The following GALNT17 variants were observed in gnomAD, a reference collection of about 807,000 sequenced individuals.
GALNT17 encodes UDP-GalNAc:polypeptide N-acetylgalactosaminyltransferase-like 3.
GALNT17 carries 29 observed loss-of-function variants against 63.7 expected under a neutral mutation model. The observed-to-expected ratio is 0.46, with a 90% confidence interval of 0.34 to 0.62. GALNT17 has a LOEUF of 0.62. Among genes scored for constraint, GALNT17 ranks in the 20% least tolerant of loss-of-function variants. The pLI, the probability that GALNT17 is intolerant of heterozygous loss-of-function variation, is 0.01. For missense variants in GALNT17, 603 were observed against 799.6 expected (o/e 0.75, Z 2.97); for synonymous variants, 305 against 318.3 (o/e 0.96, Z 0.45).
Position 71,421,063 on chromosome 7 carries a change from C to T in GALNT17, c.920C>T (p.Pro307Leu). Residue 307 changes from proline (P) to leucine (L), a missense_variant, in exon 5 of 11, where the codon CCA becomes CTA. Physicochemically the swap from Pro to Leu is moderately conservative, Grantham distance 98. This residue lies in a region of GALNT17 where 336 missense variants were observed against 507.8 expected (regional missense o/e 0.66). Coordinates refer to ENST00000333538, the MANE Select transcript of GALNT17 (RefSeq NM_022479.3). ...CTGTGGTGCATGTACATCAGCCCCCCAAAAGACTGGTGGGACGCCGGAGAC... is the reference window on the plus strand; with the variant it reads ...CTGTGGTGCATGTACATCAGCCCCCTAAAAGACTGGTGGGACGCCGGAGAC... The part of the protein sequence containing the change: ...WELWCMYISP[P>L]KDWWDAGDPS... 6.2e-7 allele frequency: 1 copy of T among 1,614,116 alleles called. No individual in the cohort carries two copies. The highest frequency in any genetic ancestry group is 2.2e-5 in the East Asian group (1 of 44,854).
At chr7:71,367,573 T>TG (rs11437587) in intron 2 of GALNT17, among the ~76,000 whole-genome samples, 20,508 of 152,090 alleles carry the variant, frequency 0.13, 1,739 homozygotes, top group East Asian at 0.4. Context: ...CAGGTTACAG[T>TG]GGGGCCCCCA....
chr7:71,366,063 G>T (rs1021683151), intron 2 of GALNT17, among the ~76,000 whole-genome samples: 1 of 152,070 alleles, frequency 6.6e-6, no homozygotes, highest in East Asian at 1.9e-4. Flanking sequence ...CTCAGTTCAC[G>T]ATAGGGCTTG....
chr7:71,684,008 C>CAAA (rs5741642), intron 9 of GALNT17, among the ~76,000 whole-genome samples: 100 of 121,410 alleles, frequency 8.2e-4, no homozygotes, highest in African/African-American at 2.8e-3. Context: ...CACTCTGTCT[C>CAAA]AAAAAAAAAA....
At chr7:71,639,668 G>A (rs1242796112) in intron 6 of GALNT17, among the ~76,000 whole-genome samples, 3 of 152,188 alleles carry the variant, frequency 2.0e-5, no homozygotes, top group African/African-American at 7.2e-5. Flanking sequence ...AGCAAGCAGG[G>A]AATGCTTTAA....
intron 1 of GALNT17, among the ~76,000 whole-genome samples, chr7:71,327,369 A>G (rs956806260): frequency 1.3e-5 from 2 of 152,318 alleles, no homozygotes; most frequent in South Asian, 2.1e-4. Flanking sequence ...ATGAGAGCCA[A>G]TTGAAAGGGG....
chr7:71,701,472 G>A (rs905305355), intron 9 of GALNT17, among the ~76,000 whole-genome samples: 1 of 151,696 alleles, frequency 6.6e-6, no homozygotes, highest in Non-Finnish European at 1.5e-5. Context: ...GGATAACAGA[G>A]TGAGACTCTA....
At chr7:71,481,182 C>T (rs1481923342) in intron 5 of GALNT17, among the ~76,000 whole-genome samples, 2 of 152,202 alleles carry the variant, frequency 1.3e-5, no homozygotes. Context: ...CACAGTGGCT[C>T]ACGCCTGTAA....
At chr7:71,565,930 G>C (rs1308380975) in intron 5 of GALNT17, among the ~76,000 whole-genome samples, 1 of 143,822 alleles carries the variant, frequency 7.0e-6, no homozygotes, top group Non-Finnish European at 1.5e-5. Context: ...TGCAACCTCT[G>C]CCTCCTGGGT....
chr7:71,212,708 G>A (rs914468549), intron 1 of GALNT17, among the ~76,000 whole-genome samples: 2 of 152,184 alleles, frequency 1.3e-5, no homozygotes, highest in African/African-American at 2.4e-5. Flanking sequence ...ACCTGGATGT[G>A]AGACCTGGAG....
intron 6 of GALNT17, among the ~76,000 whole-genome samples, chr7:71,620,899 A>G (rs1057268973): frequency 1.3e-5 from 2 of 152,128 alleles, no homozygotes. Flanking sequence ...CTGATTCTCA[A>G]TTCACATTGG....
At chr7:71,322,168 G>A (rs1029741995) in intron 1 of GALNT17, among the ~76,000 whole-genome samples, 2 of 151,416 alleles carry the variant, frequency 1.3e-5, no homozygotes, top group Non-Finnish European at 2.9e-5. Flanking sequence ...TGCCCAGGCT[G>A]GTCTCTAACT....
At chr7:71,162,224 G>A (rs1788362698) in intron 1 of GALNT17, among the ~76,000 whole-genome samples, 1 of 142,576 alleles carries the variant, frequency 7.0e-6, no homozygotes, top group Admixed American at 7.5e-5. Context: ...TCTTACTTTC[G>A]TTATTCTTTC....
intron 5 of GALNT17, among the ~76,000 whole-genome samples, chr7:71,452,970 G>T (rs867307961): frequency 8.5e-5 from 13 of 152,106 alleles, no homozygotes; most frequent in African/African-American, 3.1e-4. Context: ...CTTAGATTCT[G>T]TGTTGCTCTT....
At chr7:71,443,085 C>G (rs1787098159) in intron 5 of GALNT17, among the ~76,000 whole-genome samples, 1 of 152,204 alleles carries the variant, frequency 6.6e-6, no homozygotes, top group Non-Finnish European at 1.5e-5. Context: ...CTATAAGCAA[C>G]TCTGAAGTTT....
At chr7:71,176,612 G>A (rs1416349804) in intron 1 of GALNT17, among the ~76,000 whole-genome samples, 1 of 152,152 alleles carries the variant, frequency 6.6e-6, no homozygotes, top group Non-Finnish European at 1.5e-5. Context: ...ACCCACAGAG[G>A]TAGCTTCTTC....
chr7:71,234,887 T>C (rs1372425816), intron 1 of GALNT17, among the ~76,000 whole-genome samples: 2 of 152,170 alleles, frequency 1.3e-5, no homozygotes, highest in African/African-American at 2.4e-5. Flanking sequence ...TCCTCCTGCA[T>C]AGTGACTGTT....
At chr7:71,624,377 G>T (rs529508467) in intron 6 of GALNT17, among the ~76,000 whole-genome samples, 1 of 152,180 alleles carries the variant, frequency 6.6e-6, no homozygotes, top group Non-Finnish European at 1.5e-5. Context: ...GTGTAGAGAA[G>T]AGCAGCTGTG....
chr7:71,317,994 T>C (rs548719768), intron 1 of GALNT17, among the ~76,000 whole-genome samples: 1 of 152,236 alleles, frequency 6.6e-6, no homozygotes, highest in Non-Finnish European at 1.5e-5. Flanking sequence ...TGATTGCAGC[T>C]CACTGAAGCG....
chr7:71,440,862 G>T (rs918543054), intron 5 of GALNT17, among the ~76,000 whole-genome samples: 8 of 152,246 alleles, frequency 5.3e-5, no homozygotes, highest in Admixed American at 3.9e-4. Context: ...CCGAGGTGTG[G>T]CAATGAGTAA....
Sources: gnomAD v4.1 joint callset for allele counts (sites outside exome capture counted in the v4.1 genomes callset) on GRCh38, gnomAD v4.1.1 for gene constraint, gnomAD v4.1.1 regional missense constraint, MANE v1.5 for transcripts, NCBI Gene and HGNC (gene_info 2026-07-23, HGNC 2026-07-21) for gene names.